ANKRD13C: variants seen among roughly 807,000 people sequenced by gnomAD.
ANKRD13C encodes the protein ankyrin repeat domain 13C.
In ANKRD13C, 16 loss-of-function variants were observed where a neutral mutation model predicts 65.5. The ratio of observed to expected loss-of-function variants is 0.24; its 90% CI spans 0.17 to 0.37. ANKRD13C has a LOEUF of 0.37. Among genes scored for constraint, ANKRD13C ranks in the 10% least tolerant of loss-of-function variants. The probability of loss-of-function intolerance (pLI) is 1.00; values close to 1 mark genes in which losing one functional copy is unlikely to be tolerated. For missense variants in ANKRD13C, 503 were observed against 655.9 expected, an observed-to-expected ratio of 0.77 and a Z score of 2.55; for synonymous variants, 235 against 238.7, an observed-to-expected ratio of 0.98 and a Z score of 0.14.
At chr1:70,308,798 C>G (rs879080468) in intron 5 of ANKRD13C, among the ~76,000 whole-genome samples, 4 of 146,004 alleles carry the variant, frequency 2.7e-5, no homozygotes, top group African/African-American at 7.6e-5. Context: ...AACAACCAAA[C>G]AAATAAAAAA....
intron 12 of ANKRD13C, among the ~76,000 whole-genome samples, chr1:70,268,649 C>A (rs1303548219): frequency 2.0e-5 from 3 of 152,118 alleles, no homozygotes; most frequent in African/African-American, 7.2e-5. Flanking sequence ...TTCTGATATT[C>A]TCTTTTTGTA....
chr1:70,335,610 T>C (rs1188019973), intron 2 of ANKRD13C, among the ~76,000 whole-genome samples: 1 of 151,248 alleles, frequency 6.6e-6, no homozygotes, highest in Non-Finnish European at 1.5e-5. Flanking sequence ...TTTAATTAAA[T>C]AATGACTACT....
chr1:70,306,161 G>A, intron 6 of ANKRD13C, 63 bp downstream of exon 6: 1 of 1,201,568 alleles, frequency 8.3e-7, no homozygotes. Flanking sequence ...ATGATTACAG[G>A]GAAAAAAATC....
chr1:70,285,071 C>G (rs1020412737), intron 9 of ANKRD13C, among the ~76,000 whole-genome samples: 1 of 151,904 alleles, frequency 6.6e-6, no homozygotes, highest in African/African-American at 2.4e-5. Flanking sequence ...TACTAACCTA[C>G]AATTCACTGT....
At chr1:70,265,688 G>A (rs1678585631) in intron 12 of ANKRD13C, among the ~76,000 whole-genome samples, 1 of 151,624 alleles carries the variant, frequency 6.6e-6, no homozygotes, top group African/African-American at 2.4e-5. Flanking sequence ...AACTGGGTGT[G>A]GTGGCTCATG....
intron 5 of ANKRD13C, among the ~76,000 whole-genome samples, chr1:70,311,021 G>A (rs548110023): frequency 1.3e-5 from 2 of 152,284 alleles, no homozygotes; most frequent in South Asian, 2.1e-4. Flanking sequence ...CTAGCCTGAT[G>A]AGCTAGAGTT....
At chr1:70,305,938 CTGTT>C (rs985360200) in intron 6 of ANKRD13C, 1 of 168,610 alleles carries the variant, frequency 5.9e-6, no homozygotes, top group African/African-American at 2.4e-5. Flanking sequence ...AAGATCCTCA[CTGTT>C]TGCCTTCTGG....
At chr1:70,288,568 T>C (rs1679723918) in intron 9 of ANKRD13C, among the ~76,000 whole-genome samples, 1 of 152,192 alleles carries the variant, frequency 6.6e-6, no homozygotes, top group African/African-American at 2.4e-5. Flanking sequence ...AAGAACAAAC[T>C]ATTGATACAT....
chr1:70,266,749 GT>G (rs1678646186), intron 12 of ANKRD13C, among the ~76,000 whole-genome samples: 1 of 152,070 alleles, frequency 6.6e-6, no homozygotes, highest in African/African-American at 2.4e-5. Context: ...ACATTCTCTT[GT>G]CTTTTTTCTA....
At chr1:70,267,308 A>G (rs1481772063) in intron 12 of ANKRD13C, among the ~76,000 whole-genome samples, 1 of 152,150 alleles carries the variant, frequency 6.6e-6, no homozygotes, top group African/African-American at 2.4e-5. Flanking sequence ...ATCGGCCTAT[A>G]TCATTATATT....
At chr1:70,305,085 C>T (rs966950875) in intron 6 of ANKRD13C, among the ~76,000 whole-genome samples, 1 of 151,836 alleles carries the variant, frequency 6.6e-6, no homozygotes, top group African/African-American at 2.4e-5. Context: ...TAGTGAGACC[C>T]TATCTTTATT....
At chr1:70,270,757 T>C in intron 12 of ANKRD13C, 99 bp downstream of exon 12, 1 of 778,144 alleles carries the variant, frequency 1.3e-6, no homozygotes, top group Middle Eastern at 3.9e-4. Context: ...AACAGAGGTG[T>C]TGGGGACCCC....
chr1:70,353,894 A>AG, intron 1 of ANKRD13C, 85 bp downstream of exon 1: 2 of 1,415,436 alleles, frequency 1.4e-6, no homozygotes, highest in South Asian at 1.7e-5. Flanking sequence ...AGTCTGCTGG[A>AG]GGGGGCCTAG....
intron 12 of ANKRD13C, 93 bp downstream of exon 12, chr1:70,270,763 A>T: frequency 1.2e-6 from 1 of 819,204 alleles, no homozygotes. Flanking sequence ...GGTGTTGGGG[A>T]CCCCTGCTTT....
At chr1:70,294,489 T>C (rs1446408810) in intron 8 of ANKRD13C, among the ~76,000 whole-genome samples, 3 of 152,014 alleles carry the variant, frequency 2.0e-5, no homozygotes, top group African/African-American at 4.8e-5. Flanking sequence ...TTACCCTACA[T>C]AATGTGAGTG....
In ANKRD13C at chr1:70,297,395, A is replaced by G. The variant is rs1200803962; in HGVS notation, c.922-1134T>C. 2.4e-4 allele frequency among the ~76,000 whole-genome samples: 34 copies of G among 144,100 alleles called. No homozygotes were observed. In the East Asian group the frequency reaches 6.7e-3, roughly 29 times the overall value. The allele number at this position is 144,100 out of a possible 152,430, so 94.5% of individuals were successfully genotyped here. A position where few individuals can be genotyped will look rare whatever the true frequency, so the allele number is the denominator to read the frequency against. On this transcript the variant is annotated intron_variant, in intron 7 of 12. Transcript: ENST00000370944. Reference sequence around the variant, plus strand: ...TGCAAGCTCCTCCTCCCGGGTTCACACCATTCTCCTGCCTCAGCCTCCTGA... The same window carrying G: ...TGCAAGCTCCTCCTCCCGGGTTCACGCCATTCTCCTGCCTCAGCCTCCTGA...
At chr1:70,267,493 C>T (rs779839209) in intron 12 of ANKRD13C, among the ~76,000 whole-genome samples, 1 of 152,140 alleles carries the variant, frequency 6.6e-6, no homozygotes, top group South Asian at 2.1e-4. Context: ...CCCACCTCAG[C>T]CTCCCAAGTA....
intron 6 of ANKRD13C, among the ~76,000 whole-genome samples, chr1:70,301,622 C>T (rs145833689): frequency 6.6e-6 from 1 of 152,168 alleles, no homozygotes; most frequent in Non-Finnish European, 1.5e-5. Flanking sequence ...TATCTCCACA[C>T]CCTGGAAACC....
intron 6 of ANKRD13C, among the ~76,000 whole-genome samples, chr1:70,302,712 C>T (rs1680422163): frequency 1.4e-5 from 1 of 73,376 alleles, no homozygotes. Flanking sequence ...GGCGACAGAG[C>T]GAGACTCCGT....
Sources: gnomAD v4.1 joint callset for allele counts (sites outside exome capture counted in the v4.1 genomes callset) on GRCh38, gnomAD v4.1.1 for gene constraint, MANE v1.5 for transcripts, NCBI Gene and HGNC (gene_info 2026-07-23, HGNC 2026-07-21) for gene names.